The following MCPH1 variants were observed in gnomAD, a reference collection of about 807,000 sequenced individuals.
MCPH1 encodes microcephalin 1.
MCPH1 carries 104 observed loss-of-function variants against 84.5 expected under a neutral mutation model. The ratio of observed to expected loss-of-function variants is 1.23; its 90% CI spans 1.05 to 1.45. The LOEUF (loss-of-function observed/expected upper bound fraction) is 1.45. Among genes scored for constraint, MCPH1 ranks in the 40% most tolerant of loss-of-function variants. The pLI is 0.00. For synonymous variants in MCPH1, 514 were observed against 366.8 expected, an observed-to-expected ratio of 1.40 and a Z score of -4.58; for missense variants, 1,498 against 1,005.7, an observed-to-expected ratio of 1.49 and a Z score of -6.62.
rs1798240971 is a variant in MCPH1 at position 6,646,895 on chromosome 8, T to G, written c.*3846T>G. 1 of 152,156 alleles carries G rather than the reference T, an allele frequency of 6.6e-6. No homozygotes were observed. The highest frequency in any genetic ancestry group is 2.4e-5 in the African/African-American group (1 of 41,428). 9.4% of individuals were successfully genotyped at this position (152,156 alleles called of 1,614,324 possible). A position where few individuals can be genotyped will look rare whatever the true frequency, so the allele number is the denominator to read the frequency against. On this transcript the variant is annotated 3_prime_UTR_variant, in exon 14 of 14. Coordinates refer to ENST00000344683, the MANE Select transcript of MCPH1 (RefSeq NM_024596.5). ...AGCAGGAAATCATTCTGACCTCAGGTTAGGCAAAGCTTTCTTAGATATGAC... is the reference window on the plus strand; with the variant it reads ...AGCAGGAAATCATTCTGACCTCAGGGTAGGCAAAGCTTTCTTAGATATGAC...
rs1008081784 is a variant in MCPH1, at chr8:6,486,006, G to A, written c.2136+5130G>A. On this transcript the variant is annotated intron_variant, in intron 11 of 13. Transcript: ENST00000344683. Reference sequence around the variant, plus strand: ...CTTCAAGAAGACAAAGATGACTGCTGCTTCTTGCATGGCCCCCCTCCTTTA... The same window carrying A: ...CTTCAAGAAGACAAAGATGACTGCTACTTCTTGCATGGCCCCCCTCCTTTA... Among the ~76,000 whole-genome samples the A allele has an allele frequency of 3.3e-5, 5 of 152,182 alleles. No individual in the cohort carries two copies. The South Asian group carries it at 8.3e-4, about 25-fold the overall frequency.
chr8:6,426,105 C>G (rs1389481928), intron 3 of MCPH1, among the ~76,000 whole-genome samples: 2 of 152,230 alleles, frequency 1.3e-5, no homozygotes, highest in East Asian at 3.8e-4. Context: ...TTCCACCCGC[C>G]TCCCTTTCCC....
At chr8:6,533,947 G>A (rs1820012125) in intron 12 of MCPH1, among the ~76,000 whole-genome samples, 1 of 152,096 alleles carries the variant, frequency 6.6e-6, no homozygotes, top group Non-Finnish European at 1.5e-5. Context: ...TCTTGTGACT[G>A]GTATCAGATG....
intron 3 of MCPH1, among the ~76,000 whole-genome samples, chr8:6,427,522 C>T (rs1801230482): frequency 6.6e-6 from 1 of 152,078 alleles, no homozygotes; most frequent in Non-Finnish European, 1.5e-5. Flanking sequence ...CAGGCGTGTG[C>T]CACTATGCCT....
chr8:6,415,345 T>A (rs1056548854), intron 3 of MCPH1, among the ~76,000 whole-genome samples: 1 of 150,704 alleles, frequency 6.6e-6, no homozygotes, highest in East Asian at 1.9e-4. Context: ...TAGAGTGCAG[T>A]AGCTGGATCT....
intron 11 of MCPH1, among the ~76,000 whole-genome samples, chr8:6,496,425 T>C (rs1208909859): frequency 6.6e-6 from 1 of 152,214 alleles, no homozygotes; most frequent in Non-Finnish European, 1.5e-5. Context: ...GCCCCGTTCC[T>C]AATAGGCCAC....
At chr8:6,511,585 G>C (rs1815107093) in intron 12 of MCPH1, among the ~76,000 whole-genome samples, 1 of 152,076 alleles carries the variant, frequency 6.6e-6, no homozygotes, top group African/African-American at 2.4e-5. Flanking sequence ...GCATACAACT[G>C]GCGTCTCAAA....
Position 6,465,924 on chromosome 8 carries a change from GATCC to G in MCPH1, c.1935+10691_1935+10694del, listed in dbSNP as rs202202756. 1.2e-3 allele frequency among the ~76,000 whole-genome samples: 183 copies of G among 148,348 alleles called. 2 individuals are homozygous for G. In the East Asian group the frequency reaches 0.03, roughly 25 times the overall value. The stretch of plus-strand genomic sequence containing the variant: ...TATTTCCTACTCAATTTTATCTATC[GATCC>G]ATCCATCCATCCATCCATGCATCCA... On this transcript the variant is annotated intron_variant, in intron 9 of 13. Coordinates refer to ENST00000344683, the MANE Select transcript of MCPH1 (RefSeq NM_024596.5).
intron 8 of MCPH1, among the ~76,000 whole-genome samples, chr8:6,453,097 C>A (rs1416814029): frequency 2.0e-5 from 3 of 152,080 alleles, no homozygotes; most frequent in Non-Finnish European, 4.4e-5. Flanking sequence ...ATGAAAAAAC[C>A]ACACTTAGGA....
At chr8:6,514,539 G>T in intron 12 of MCPH1, 1 of 732,934 alleles carries the variant, frequency 1.4e-6, no homozygotes. Flanking sequence ...TCTTTAAAGG[G>T]GAGACTGAAG....
chr8:6,584,053 C>T (rs1198648264), intron 12 of MCPH1, among the ~76,000 whole-genome samples: 2 of 152,124 alleles, frequency 1.3e-5, no homozygotes, highest in South Asian at 2.1e-4. Flanking sequence ...CCATCTACAG[C>T]ACTCTCTTTG....
chr8:6,482,537 G>A (rs1809374669), intron 11 of MCPH1, among the ~76,000 whole-genome samples: 1 of 152,118 alleles, frequency 6.6e-6, no homozygotes, highest in Non-Finnish European at 1.5e-5. Context: ...CCTTCCCTCA[G>A]GTTTTGGAGG....
At chr8:6,573,756 C>A (rs754018044) in intron 12 of MCPH1, among the ~76,000 whole-genome samples, 2 of 152,184 alleles carry the variant, frequency 1.3e-5, no homozygotes, top group Non-Finnish European at 2.9e-5. Flanking sequence ...CTGCCCACCC[C>A]ACTCTCCAGA....
At chr8:6,525,447 C>G (rs374201220) in intron 12 of MCPH1, among the ~76,000 whole-genome samples, 1 of 152,204 alleles carries the variant, frequency 6.6e-6, no homozygotes, top group African/African-American at 2.4e-5. Flanking sequence ...CCTGGCTAGT[C>G]TCAAACTCCT....
chr8:6,612,458 T>A (rs1830367814), intron 12 of MCPH1, among the ~76,000 whole-genome samples: 1 of 152,126 alleles, frequency 6.6e-6, no homozygotes, highest in Non-Finnish European at 1.5e-5. Flanking sequence ...GGCTACCCCT[T>A]TCTCCATTAC....
In MCPH1 at chr8:6,645,419, G is replaced by A. The variant is rs1263107669; in HGVS notation, c.*2370G>A. 2.0e-5 allele frequency: 3 copies of A among 152,112 alleles called. No homozygotes were observed. The highest frequency in any genetic ancestry group is 3.9e-4 in the East Asian group (2 of 5,180). The allele number at this position is 152,112 out of a possible 1,614,324, so 9.4% of individuals were successfully genotyped here. ...AACATATAGGGCTAGAGGTTCTCAG[G>A]ATTCTGAATTTTAAAAAAAATTTGT... is the stretch of plus-strand genomic sequence containing the variant. On this transcript the variant is annotated 3_prime_UTR_variant, in exon 14 of 14. Transcript: ENST00000344683.
intron 1 of MCPH1, among the ~76,000 whole-genome samples, chr8:6,408,977 C>G (rs1387282160): frequency 6.6e-6 from 1 of 152,064 alleles, no homozygotes; most frequent in Admixed American, 6.6e-5. Flanking sequence ...CCTCTGCCTC[C>G]CGGGTTCAAG....
At chr8:6,442,516 C>A in intron 7 of MCPH1, among the ~76,000 whole-genome samples, 1 of 152,186 alleles carries the variant, frequency 6.6e-6, no homozygotes, top group African/African-American at 2.4e-5. Context: ...ACACAAGGAA[C>A]CTGTTATTGA....
At chr8:6,592,677 A>G (rs1215435645) in intron 12 of MCPH1, among the ~76,000 whole-genome samples, 1 of 128,694 alleles carries the variant, frequency 7.8e-6, no homozygotes, top group Non-Finnish European at 1.6e-5. Context: ...TTAATTGAGA[A>G]GGGGTCTCAC....
Sources: allele counts gnomAD v4.1 joint callset (sites outside exome capture counted in the v4.1 genomes callset), GRCh38; gene constraint gnomAD v4.1.1; transcripts MANE v1.5; gene names NCBI Gene and HGNC (gene_info 2026-07-23, HGNC 2026-07-21).